The following PTPRD variants were observed in gnomAD, a reference collection of about 807,000 sequenced individuals.
The protein encoded by PTPRD is protein tyrosine phosphatase receptor type D.
A neutral mutation model predicts 214.5 loss-of-function variants in PTPRD; 34 were observed. The ratio of observed to expected loss-of-function variants is 0.16; its 90% CI spans 0.12 to 0.21. PTPRD has a LOEUF of 0.21. Ranked by LOEUF, PTPRD falls within the 10% of genes least tolerant of loss-of-function variation. The pLI is 1.00. For missense variants in PTPRD, 2,545 were observed against 2,398.7 expected (o/e 1.06, Z -1.27); for synonymous variants, 1,128 against 845.7 (o/e 1.33, Z -5.79).
At chr9:10,134,273 G>T (rs2098925538) in intron 3 of PTPRD, among the ~76,000 whole-genome samples, 1 of 152,156 alleles carries the variant, frequency 6.6e-6, no homozygotes. Context: ...GCCCCCAAGG[G>T]AGAAGGGAGC....
chr9:8,335,296 G>A (rs1436184205), intron 43 of PTPRD, among the ~76,000 whole-genome samples: 5 of 151,426 alleles, frequency 3.3e-5, no homozygotes, highest in African/African-American at 9.7e-5. Flanking sequence ...TATCCACCAC[G>A]ATCAAGTCGG....
At chr9:9,221,603 T>A (rs948830012) in intron 9 of PTPRD, among the ~76,000 whole-genome samples, 1 of 151,996 alleles carries the variant, frequency 6.6e-6, no homozygotes, top group East Asian at 1.9e-4. Context: ...GAGAGTGACC[T>A]CTCTAGTGTA....
At chr9:9,917,355 ATCAAAGTCACAATGGAGATCACAGGAAT>A in intron 5 of PTPRD, among the ~76,000 whole-genome samples, 1 of 149,844 alleles carries the variant, frequency 6.7e-6, no homozygotes, top group Non-Finnish European at 1.5e-5. Context: ...CAGAAATAAA[ATCAAAGTCACAATGGAGATCACAGGAAT>A]ACAAAACATT....
At chr9:9,821,776 T>C (rs1006939371) in intron 5 of PTPRD, among the ~76,000 whole-genome samples, 5 of 151,794 alleles carry the variant, frequency 3.3e-5, no homozygotes, top group South Asian at 2.1e-4. Context: ...CAATACCACA[T>C]AGATAATAAG....
intron 3 of PTPRD, among the ~76,000 whole-genome samples, chr9:10,113,410 A>G (rs2098706972): frequency 6.6e-6 from 1 of 152,212 alleles, no homozygotes; most frequent in Non-Finnish European, 1.5e-5. Context: ...TCCTCTGCAC[A>G]GATACAGATG....
intron 3 of PTPRD, among the ~76,000 whole-genome samples, chr9:10,126,006 A>G (rs2098816568): frequency 6.6e-6 from 1 of 152,164 alleles, no homozygotes; most frequent in Non-Finnish European, 1.5e-5. Context: ...TTAAACCTAT[A>G]AAACACATTT....
chr9:9,431,380 C>T (rs541245065), intron 8 of PTPRD, among the ~76,000 whole-genome samples: 8 of 152,050 alleles, frequency 5.3e-5, no homozygotes, highest in Admixed American at 1.3e-4. Flanking sequence ...GTTAGAATGG[C>T]GATCATTAAA....
chr9:8,938,022 G>T (rs1484111104), intron 11 of PTPRD, among the ~76,000 whole-genome samples: 1 of 152,100 alleles, frequency 6.6e-6, no homozygotes, highest in Non-Finnish European at 1.5e-5. Flanking sequence ...GTTTTATATG[G>T]TTCTCAACAA....
At chr9:10,355,041 A>T (rs998164359) in intron 2 of PTPRD, among the ~76,000 whole-genome samples, 4 of 152,228 alleles carry the variant, frequency 2.6e-5, no homozygotes, top group African/African-American at 9.6e-5. Flanking sequence ...ATTATTCAGA[A>T]AATAAATTTC....
chr9:10,515,691 C>G (rs1312775513), intron 2 of PTPRD, among the ~76,000 whole-genome samples: 1 of 151,966 alleles, frequency 6.6e-6, no homozygotes, highest in Admixed American at 6.6e-5. Flanking sequence ...ATCTCTAGAA[C>G]TTATTCATCT....
chr9:9,012,964 A>C (rs2099517783), intron 11 of PTPRD, among the ~76,000 whole-genome samples: 1 of 152,132 alleles, frequency 6.6e-6, no homozygotes, highest in South Asian at 2.1e-4. Flanking sequence ...ATTTTCAGCA[A>C]AATTTTGAGT....
intron 3 of PTPRD, among the ~76,000 whole-genome samples, chr9:10,108,791 A>G (rs1407742620): frequency 6.6e-6 from 1 of 152,094 alleles, no homozygotes; most frequent in Non-Finnish European, 1.5e-5. Flanking sequence ...CTTAAAAAAG[A>G]GGAAAGCCTG....
chr9:10,508,689 G>C (rs952170712), intron 2 of PTPRD, among the ~76,000 whole-genome samples: 2 of 151,970 alleles, frequency 1.3e-5, no homozygotes, highest in Non-Finnish European at 2.9e-5. Flanking sequence ...GCAAACTATC[G>C]CAAGGACAAA....
At chr9:9,506,192 G>A (rs1049564978) in intron 8 of PTPRD, among the ~76,000 whole-genome samples, 7 of 151,226 alleles carry the variant, frequency 4.6e-5, no homozygotes, top group Admixed American at 6.6e-5. Context: ...TTAAATTCAC[G>A]CAGCAACCTA....
At chr9:8,347,582 A>T (rs1406668920) in intron 39 of PTPRD, among the ~76,000 whole-genome samples, 1 of 152,108 alleles carries the variant, frequency 6.6e-6, no homozygotes, top group Non-Finnish European at 1.5e-5. Context: ...TGAAACTGAA[A>T]TCTGTTATGG....
chr9:9,005,589 A>T (rs1011742125), intron 11 of PTPRD, among the ~76,000 whole-genome samples: 2 of 152,046 alleles, frequency 1.3e-5, no homozygotes, highest in African/African-American at 4.8e-5. Context: ...GTTAAAAGGC[A>T]TTCTATAAAA....
At chr9:9,749,281 A>G (rs758079193) in intron 6 of PTPRD, among the ~76,000 whole-genome samples, 12 of 152,144 alleles carry the variant, frequency 7.9e-5, no homozygotes, top group Admixed American at 7.2e-4. Flanking sequence ...AGCTGCACCA[A>G]TTATCAGGTT....
chr9:9,709,247 T>G (rs960452879), intron 7 of PTPRD, among the ~76,000 whole-genome samples: 12 of 152,006 alleles, frequency 7.9e-5, no homozygotes, highest in Admixed American at 7.2e-4. Flanking sequence ...CTCTTTTGGA[T>G]TGTGTATTTT....
intron 4 of PTPRD, among the ~76,000 whole-genome samples, chr9:9,994,494 C>T (rs2096058358): frequency 6.6e-6 from 1 of 152,028 alleles, no homozygotes; most frequent in Non-Finnish European, 1.5e-5. Flanking sequence ...TTGTCTGGTA[C>T]ATCATAGATG....
Sources: allele counts gnomAD v4.1 joint callset (sites outside exome capture counted in the v4.1 genomes callset), GRCh38; gene constraint gnomAD v4.1.1; transcripts MANE v1.5; gene names NCBI Gene and HGNC (gene_info 2026-07-23, HGNC 2026-07-21).